The following SH3RF3 variants were observed in gnomAD, a reference collection of about 807,000 sequenced individuals.
The protein encoded by SH3RF3 is E3 ubiquitin-protein ligase SH3RF3.
SH3RF3 carries 29 observed loss-of-function variants against 66.3 expected under a neutral mutation model. The ratio of observed to expected loss-of-function variants is 0.44; its 90% confidence interval spans 0.33 to 0.60. The LOEUF (loss-of-function observed/expected upper bound fraction) is 0.60, where lower values mean the gene tolerates loss of function less well. Ranked by LOEUF, SH3RF3 falls within the 20% of genes least tolerant of loss-of-function variation. The pLI, the probability that SH3RF3 is intolerant of heterozygous loss-of-function variation, is 0.04. For synonymous variants in SH3RF3, 583 were observed against 532.0 expected (o/e 1.10, Z -1.32); for missense variants, 1,194 against 1,190.9 (o/e 1.00, Z -0.04).
At chr2:109,259,419 T>C (rs1473313057) in intron 1 of SH3RF3, among the ~76,000 whole-genome samples, 1 of 152,200 alleles carries the variant, frequency 6.6e-6, no homozygotes, top group Non-Finnish European at 1.5e-5. Flanking sequence ...TCTACTCTGT[T>C]GTGATTTCTG....
At chr2:109,221,318 C>T (rs1679234197) in intron 1 of SH3RF3, among the ~76,000 whole-genome samples, 1 of 151,244 alleles carries the variant, frequency 6.6e-6, no homozygotes, top group South Asian at 2.1e-4. Flanking sequence ...CCAGGTGACT[C>T]ACGGCTGTAA....
chr2:109,273,402 C>T (rs1680672487), intron 1 of SH3RF3, among the ~76,000 whole-genome samples: 1 of 152,182 alleles, frequency 6.6e-6, no homozygotes, highest in South Asian at 2.1e-4. Context: ...GGCAGGTCTC[C>T]AAGGGGACCC....
intron 1 of SH3RF3, among the ~76,000 whole-genome samples, chr2:109,192,584 C>T (rs980146818): frequency 2.4e-4 from 36 of 152,124 alleles, no homozygotes; most frequent in South Asian, 1.2e-3. Flanking sequence ...TGTCTTGAAA[C>T]GGCATGGAAT....
intron 1 of SH3RF3, among the ~76,000 whole-genome samples, chr2:109,343,068 C>A (rs1000270300): frequency 6.6e-6 from 1 of 152,162 alleles, no homozygotes; most frequent in African/African-American, 2.4e-5. Context: ...CGTCTGTGGG[C>A]AGAAAGCAAA....
chr2:109,230,124 G>A (rs369973820), intron 1 of SH3RF3, among the ~76,000 whole-genome samples: 3 of 151,804 alleles, frequency 2.0e-5, no homozygotes, highest in East Asian at 1.9e-4. Flanking sequence ...GCACCTGGCC[G>A]ATTTTTTTTT....
chr2:109,502,752 C>T lies in SH3RF3; in HGVS notation c.*1081C>T, dbSNP rs57651150. 2.0e-5 allele frequency: 3 copies of T among 152,358 alleles called. No individual in the cohort carries two copies. The highest frequency in any genetic ancestry group is 7.2e-5 in the African/African-American group (3 of 41,578). 9.4% of individuals were successfully genotyped at this position (152,358 alleles called of 1,614,324 possible). Reference sequence around the variant, plus strand: ...CGGTAGAAGGAGCACGCAGGTCAACCCCAGCCGGGAAGGCAAAATCTTCCC... The same window carrying T: ...CGGTAGAAGGAGCACGCAGGTCAACTCCAGCCGGGAAGGCAAAATCTTCCC... On this transcript the variant is annotated 3_prime_UTR_variant, in exon 10 of 10. Coordinates refer to ENST00000309415, the MANE Select transcript of SH3RF3 (RefSeq NM_001099289.3).
chr2:109,450,271 G>A (rs966558618), intron 8 of SH3RF3, among the ~76,000 whole-genome samples: 12 of 152,030 alleles, frequency 7.9e-5, no homozygotes, highest in African/African-American at 2.2e-4. Flanking sequence ...ACTGGAAACC[G>A]GGGGGCAGAG....
chr2:109,228,328 T>G (rs1313293873), intron 1 of SH3RF3, among the ~76,000 whole-genome samples: 2 of 152,226 alleles, frequency 1.3e-5, no homozygotes, highest in Non-Finnish European at 2.9e-5. Context: ...GTAGACAGCA[T>G]CTCTGTTAGT....
intron 1 of SH3RF3, among the ~76,000 whole-genome samples, chr2:109,296,485 AC>A: frequency 6.6e-6 from 1 of 151,780 alleles, no homozygotes; most frequent in East Asian, 1.9e-4. Context: ...CAAGTGATCC[AC>A]CCGCTTCAGC....
At chr2:109,347,604 C>A (rs1227757124) in intron 1 of SH3RF3, 70 bp from the exon 2 acceptor site, 26 of 1,552,904 alleles carry the variant, frequency 1.7e-5, no homozygotes, top group Non-Finnish European at 2.2e-5. Context: ...CCCGGCCTGC[C>A]CCGGCAGATC....
Position 109,325,327 on chromosome 2 carries a change from CTTTCTTTT to C in SH3RF3, c.574-22343_574-22336del, listed in dbSNP as rs1682127299. On this transcript the variant is annotated intron_variant, in intron 1 of 9. Transcript: ENST00000309415. ...TGCCATTTAATTTCTTTCTTTCTTT[CTTTCTTTT>C]TTTTTTTTTTTTTTTTTTTTTTTGG... Among the ~76,000 whole-genome samples, 9 of 110,262 alleles carry C rather than the reference CTTTCTTTT, an allele frequency of 8.2e-5. No homozygotes were observed. In the South Asian group the frequency reaches 2.2e-3, roughly 27 times the overall value. 72.3% of individuals were successfully genotyped at this position (110,262 alleles called of 152,430 possible).
intron 1 of SH3RF3, among the ~76,000 whole-genome samples, chr2:109,343,667 T>C (rs185461917): frequency 2.8e-4 from 42 of 151,920 alleles, no homozygotes; most frequent in South Asian, 8.4e-4. Flanking sequence ...AGCAGGTGGG[T>C]TACCACCTGT....
chr2:109,168,655 T>C (rs1250352029), intron 1 of SH3RF3, among the ~76,000 whole-genome samples: 1 of 107,332 alleles, frequency 9.3e-6, no homozygotes, highest in African/African-American at 3.4e-5. Context: ...TGGCAGCTGC[T>C]CAAACTGAAA....
At chr2:109,233,278 G>T (rs1558972130) in intron 1 of SH3RF3, among the ~76,000 whole-genome samples, 1 of 152,184 alleles carries the variant, frequency 6.6e-6, no homozygotes, top group Non-Finnish European at 1.5e-5. Context: ...GAATGCAGAG[G>T]TTGTATTGAG....
intron 1 of SH3RF3, among the ~76,000 whole-genome samples, chr2:109,225,409 G>A (rs115961708): frequency 0.013 from 1,905 of 152,240 alleles, 39 homozygotes; most frequent in African/African-American, 0.043. Flanking sequence ...AAATCTGCAC[G>A]TTAACAGGTT....
At chr2:109,256,023 C>G (rs557182894) in intron 1 of SH3RF3, among the ~76,000 whole-genome samples, 2 of 152,274 alleles carry the variant, frequency 1.3e-5, no homozygotes, top group South Asian at 2.1e-4. Flanking sequence ...TGTACATACT[C>G]TCTTACTGTC....
intron 1 of SH3RF3, among the ~76,000 whole-genome samples, chr2:109,231,991 A>G (rs993764864): frequency 6.6e-6 from 1 of 152,196 alleles, no homozygotes; most frequent in African/African-American, 2.4e-5. Flanking sequence ...CCTTTTTAGT[A>G]CTGATGTGTA....
At chr2:109,495,138 A>G (rs935287462) in intron 9 of SH3RF3, among the ~76,000 whole-genome samples, 1 of 152,192 alleles carries the variant, frequency 6.6e-6, no homozygotes, top group Admixed American at 6.5e-5. Context: ...GGTGTCTGGC[A>G]TATTCTTGTC....
chr2:109,251,619 C>G, intron 1 of SH3RF3: 1 of 1,325,252 alleles, frequency 7.5e-7, no homozygotes, highest in Admixed American at 1.7e-5. Context: ...GAAATAGTAT[C>G]ATCATGTTAG....
Sources: gnomAD v4.1 joint callset for allele counts (sites outside exome capture counted in the v4.1 genomes callset) on GRCh38, gnomAD v4.1.1 for gene constraint, MANE v1.5 for transcripts, NCBI Gene and HGNC (gene_info 2026-07-23, HGNC 2026-07-21) for gene names.